Variants in LYPD6 observed in about 807,000 individuals in gnomAD.
LYPD6 encodes the protein LY6/PLAUR domain containing 6.
LYPD6 carries 15 observed loss-of-function variants against 22.7 expected under a neutral mutation model. The ratio of observed to expected loss-of-function variants is 0.66; its 90% CI spans 0.44 to 1.02. LYPD6 has a LOEUF of 1.02. Ranked by LOEUF, LYPD6 falls within the 50% of genes least tolerant of loss-of-function variation. The pLI is 0.00. For synonymous variants in LYPD6, 72 were observed against 77.5 expected (o/e 0.93, Z 0.37); for missense variants, 189 against 208.4 (o/e 0.91, Z 0.57).
the LYPD6 span, among the ~76,000 whole-genome samples, chr2:149,482,811 G>A: frequency 3.3e-5 from 5 of 152,148 alleles, no homozygotes; most frequent in Non-Finnish European, 1.5e-5. Flanking sequence ...GAAACTGGTG[G>A]AAGACAAGTA....
At chr2:149,392,980 C>T (rs1026275685) in intron 1 of LYPD6, among the ~76,000 whole-genome samples, 6 of 152,264 alleles carry the variant, frequency 3.9e-5, no homozygotes, top group Admixed American at 6.5e-5. Flanking sequence ...GAGCCAAGAT[C>T]GTGCCACTGT....
rs559765967 is a variant in LYPD6 at position 149,441,181 on chromosome 2, C to T, written c.118+3355C>T. Among the ~76,000 whole-genome samples the T allele has an allele frequency of 5.3e-5, 8 of 152,006 alleles. 1 individual carries two copies. In the South Asian group the frequency reaches 1.2e-3, roughly 24 times the overall value. ...AAGCAGGTATCTGTTGAACATAGAC[C>T]GTAAAAAATATATGAGGGAAGTATG... On this transcript the variant is annotated intron_variant, in intron 2 of 4. Transcript: ENST00000334166.
At chr2:149,389,609 G>C (rs1682265405) in intron 1 of LYPD6, among the ~76,000 whole-genome samples, 1 of 152,164 alleles carries the variant, frequency 6.6e-6, no homozygotes, top group African/African-American at 2.4e-5. Flanking sequence ...GCCTGCATCT[G>C]AATAGCATGG....
intron 1 of LYPD6, among the ~76,000 whole-genome samples, chr2:149,430,042 T>C (rs1013732255): frequency 1.3e-5 from 2 of 152,192 alleles, no homozygotes; most frequent in African/African-American, 4.8e-5. Flanking sequence ...AGAGTCAAAA[T>C]GACAAGATGT....
chr2:149,383,815 A>G (rs1682121800), intron 1 of LYPD6, among the ~76,000 whole-genome samples: 3 of 152,180 alleles, frequency 2.0e-5, no homozygotes, highest in Admixed American at 2.0e-4. Context: ...GAGTTTCCCT[A>G]CATATGGTGT....
At chr2:149,372,605 G>A (rs1398136524) in intron 1 of LYPD6, among the ~76,000 whole-genome samples, 11 of 152,150 alleles carry the variant, frequency 7.2e-5, no homozygotes, top group African/African-American at 2.2e-4. Flanking sequence ...CTTAAAGCTG[G>A]TCTAAACTTG....
chr2:149,431,055 A>G (rs1386433924), intron 1 of LYPD6, among the ~76,000 whole-genome samples: 1 of 152,108 alleles, frequency 6.6e-6, no homozygotes, highest in African/African-American at 2.4e-5. Flanking sequence ...CAAGTAATCC[A>G]TTGGAATAAA....
intron 1 of LYPD6, among the ~76,000 whole-genome samples, chr2:149,389,062 A>G (rs1682250512): frequency 6.6e-6 from 1 of 152,170 alleles, no homozygotes. Flanking sequence ...AAGGTCAATT[A>G]TGCCATGACT....
intron 1 of LYPD6, among the ~76,000 whole-genome samples, chr2:149,394,250 G>T (rs1682377350): frequency 6.6e-6 from 1 of 152,142 alleles, no homozygotes; most frequent in African/African-American, 2.4e-5. Flanking sequence ...AGCCATTAGT[G>T]CTTCTAGAAG....
intron 2 of LYPD6, among the ~76,000 whole-genome samples, chr2:149,444,775 C>T (rs1258205853): frequency 5.9e-5 from 9 of 152,098 alleles, no homozygotes; most frequent in Non-Finnish European, 4.4e-5. Flanking sequence ...TTGCTGTGTC[C>T]ACCACATCTG....
chr2:149,391,945 A>G (rs1682319392), intron 1 of LYPD6, among the ~76,000 whole-genome samples: 3 of 152,242 alleles, frequency 2.0e-5, no homozygotes, highest in Admixed American at 1.3e-4. Context: ...TAGGGCTGCC[A>G]TAACGAAATA....
intron 1 of LYPD6, among the ~76,000 whole-genome samples, chr2:149,425,116 T>A (rs1683162879): frequency 6.6e-6 from 1 of 152,204 alleles, no homozygotes; most frequent in African/African-American, 2.4e-5. Flanking sequence ...ATGGATGTCT[T>A]ATTGGTTTTC....
chr2:149,470,796 C>T lies in LYPD6; in HGVS notation c.462C>T (p.Arg154=). ...TAAATCAGACAAATGGGCACCCACG[C>T]TGTATGTCAGTGATAGTGTCCTGCT... ...SPINQTNGHP[R]CMSVIVSCLW... is the part of the protein sequence containing the mutation. Residue 154 remains arginine (R), a synonymous_variant, in exon 5 of 5, where the codon CGC becomes CGT. Coordinates refer to ENST00000334166, the MANE Select transcript of LYPD6 (RefSeq NM_194317.5). 1 of 1,613,746 alleles carries T rather than the reference C, an allele frequency of 6.2e-7. No individual in the cohort carries two copies.
intron 1 of LYPD6, among the ~76,000 whole-genome samples, chr2:149,411,782 C>T (rs556957936): frequency 6.6e-6 from 1 of 152,238 alleles, no homozygotes; most frequent in African/African-American, 2.4e-5. Flanking sequence ...TTAAAACCTC[C>T]CTCACTCCCT....
At chr2:149,331,429 A>G (rs1422511210) in intron 1 of LYPD6, among the ~76,000 whole-genome samples, 2 of 151,302 alleles carry the variant, frequency 1.3e-5, no homozygotes, top group African/African-American at 4.9e-5. Context: ...ACTCGCTCTG[A>G]CCCCCACCAT....
chr2:149,434,277 T>G (rs1211780154), intron 1 of LYPD6, among the ~76,000 whole-genome samples: 3 of 152,172 alleles, frequency 2.0e-5, no homozygotes, highest in African/African-American at 7.2e-5. Flanking sequence ...AGTTAAAAAT[T>G]GAAGTGATGC....
intron 1 of LYPD6, among the ~76,000 whole-genome samples, chr2:149,386,483 G>A (rs1682188238): frequency 6.6e-6 from 1 of 152,134 alleles, no homozygotes; most frequent in Non-Finnish European, 1.5e-5. Flanking sequence ...GTGGAAATGG[G>A]TTCTTGAATA....
At chr2:149,396,075 A>G (rs1479493377) in intron 1 of LYPD6, among the ~76,000 whole-genome samples, 3 of 152,152 alleles carry the variant, frequency 2.0e-5, no homozygotes, top group Non-Finnish European at 4.4e-5. Context: ...CTTTTATTGT[A>G]CTGCCTTTAC....
At chr2:149,429,005 T>C (rs2105141189) in intron 1 of LYPD6, among the ~76,000 whole-genome samples, 1 of 152,296 alleles carries the variant, frequency 6.6e-6, no homozygotes, top group South Asian at 2.1e-4. Flanking sequence ...GTTGTTGTTG[T>C]AGTGGTCATC....
Sources: allele counts gnomAD v4.1 joint callset (sites outside exome capture counted in the v4.1 genomes callset), GRCh38; gene constraint gnomAD v4.1.1; transcripts MANE v1.5; gene names NCBI Gene and HGNC (gene_info 2026-07-23, HGNC 2026-07-21).